The following PABPC4L variants were observed in gnomAD, a reference collection of about 807,000 sequenced individuals.
PABPC4L encodes the protein polyadenylate-binding protein 4-like.
For missense variants in PABPC4L, 452 were observed against 451.4 expected (o/e 1.00, Z -0.01); for synonymous variants, 169 against 164.1 (o/e 1.03, Z -0.23).
chr4:134,135,844 A>G, the PABPC4L span, among the ~76,000 whole-genome samples: 2 of 152,124 alleles, frequency 1.3e-5, no homozygotes, highest in Non-Finnish European at 2.9e-5. Flanking sequence ...AAAAATAAAT[A>G]AATAAATAAA....
the PABPC4L span, among the ~76,000 whole-genome samples, chr4:134,158,453 T>G: frequency 6.6e-6 from 1 of 152,206 alleles, no homozygotes; most frequent in South Asian, 2.1e-4. Flanking sequence ...TGACATATTC[T>G]TAAAGTCTAC....
the PABPC4L span, among the ~76,000 whole-genome samples, chr4:134,041,027 C>A: frequency 1.3e-5 from 2 of 152,040 alleles, no homozygotes; most frequent in Non-Finnish European, 2.9e-5. Context: ...CAATGAGATA[C>A]CATCTCATGT....
At chr4:134,186,300 C>T in the PABPC4L span, among the ~76,000 whole-genome samples, 3 of 152,096 alleles carry the variant, frequency 2.0e-5, no homozygotes, top group Admixed American at 2.0e-4. Context: ...TACTACAAGG[C>T]TACAGTAACC....
the PABPC4L span, among the ~76,000 whole-genome samples, chr4:133,981,201 T>C: frequency 6.6e-6 from 1 of 152,060 alleles, no homozygotes; most frequent in Non-Finnish European, 1.5e-5. Flanking sequence ...CAAGATCCAC[T>C]ATGTTGAGTA....
the PABPC4L span, among the ~76,000 whole-genome samples, chr4:134,147,749 G>GTGTGTTGTTGT: frequency 2.1e-3 from 308 of 149,032 alleles, 1 homozygote; most frequent in African/African-American, 7.1e-3. Context: ...GTGTGTGTGT[G>GTGTGTTGTTGT]TGTTGTTGTT....
the PABPC4L span, among the ~76,000 whole-genome samples, chr4:134,044,249 A>T: frequency 6.6e-6 from 1 of 151,458 alleles, no homozygotes; most frequent in African/African-American, 2.4e-5. Flanking sequence ...AGAATTTAAT[A>T]TATTTTACTT....
At chr4:134,133,479 C>A in the PABPC4L span, among the ~76,000 whole-genome samples, 1 of 146,050 alleles carries the variant, frequency 6.8e-6, no homozygotes, top group Non-Finnish European at 1.5e-5. Context: ...TTTATATATA[C>A]ACTGTGGAGT....
chr4:134,155,412 T>TCACACACAAACA, the PABPC4L span, among the ~76,000 whole-genome samples: 1 of 146,992 alleles, frequency 6.8e-6, no homozygotes, highest in Admixed American at 6.8e-5. Context: ...CTCTCCCAGT[T>TCACACACAAACA]CACACACACA....
At chr4:134,177,124 T>C in the PABPC4L span, among the ~76,000 whole-genome samples, 1 of 151,642 alleles carries the variant, frequency 6.6e-6, no homozygotes, top group South Asian at 2.1e-4. Context: ...CCACCACTGA[T>C]AACTACATGG....
chr4:134,117,226 T>C, the PABPC4L span, among the ~76,000 whole-genome samples: 1 of 151,790 alleles, frequency 6.6e-6, no homozygotes, highest in Non-Finnish European at 1.5e-5. Context: ...CTGTTGTGTC[T>C]GAGCAGGCTG....
chr4:134,071,659 T>A, the PABPC4L span, among the ~76,000 whole-genome samples: 1 of 152,282 alleles, frequency 6.6e-6, no homozygotes, highest in East Asian at 1.9e-4. Flanking sequence ...AGGAGACTGT[T>A]GTTTTCTCTG....
At chr4:134,111,489 A>G in the PABPC4L span, among the ~76,000 whole-genome samples, 1 of 152,000 alleles carries the variant, frequency 6.6e-6, no homozygotes, top group Non-Finnish European at 1.5e-5. Flanking sequence ...ATCCAGAGAA[A>G]CACACACACA....
At chr4:133,969,273 CT>C in the PABPC4L span, among the ~76,000 whole-genome samples, 1 of 152,136 alleles carries the variant, frequency 6.6e-6, no homozygotes, top group South Asian at 2.1e-4. Flanking sequence ...TTTTATGAAA[CT>C]TTTCTGTGAA....
At chr4:134,106,362 C>T in the PABPC4L span, among the ~76,000 whole-genome samples, 1 of 150,860 alleles carries the variant, frequency 6.6e-6, no homozygotes, top group African/African-American at 2.4e-5. Context: ...TAGAATTAGT[C>T]TAATTAATGA....
the PABPC4L span, among the ~76,000 whole-genome samples, chr4:134,139,424 G>A: frequency 6.6e-6 from 1 of 151,942 alleles, no homozygotes; most frequent in Non-Finnish European, 1.5e-5. Context: ...AAACAAGGTA[G>A]CTGTAATTGA....
At chr4:133,966,208 A>C in the PABPC4L span, among the ~76,000 whole-genome samples, 2 of 152,210 alleles carry the variant, frequency 1.3e-5, no homozygotes, top group African/African-American at 4.8e-5. Context: ...CATTATGAAA[A>C]AATGATCAAC....
chr4:134,194,149 G>T (rs1232408941), downstream of PABPC4L, among the ~76,000 whole-genome samples: 1 of 151,808 alleles, frequency 6.6e-6, no homozygotes, highest in Non-Finnish European at 1.5e-5. Context: ...GCCTGCCTTG[G>T]GGGTGGAGGA....
chr4:133,972,368 T>C, the PABPC4L span, among the ~76,000 whole-genome samples: 1 of 152,172 alleles, frequency 6.6e-6, no homozygotes, highest in African/African-American at 2.4e-5. Flanking sequence ...AATGAAATTA[T>C]TTCCTTGGAC....
At chr4:134,004,098 A>G in the PABPC4L span, among the ~76,000 whole-genome samples, 3 of 151,884 alleles carry the variant, frequency 2.0e-5, no homozygotes, top group South Asian at 2.1e-4. Context: ...TTTTTTGGAT[A>G]ATACCTCAAA....
Sources: allele counts gnomAD v4.1 joint callset (sites outside exome capture counted in the v4.1 genomes callset), GRCh38; gene constraint gnomAD v4.1.1; transcripts MANE v1.5; gene names NCBI Gene and HGNC (gene_info 2026-07-23, HGNC 2026-07-21).